Variants in PSMA3 observed in about 807,000 individuals in gnomAD.
PSMA3 encodes the protein proteasome subunit alpha type-3.
A neutral mutation model predicts 40.0 loss-of-function variants in PSMA3; 8 were observed. The ratio of observed to expected loss-of-function variants is 0.20; its 90% CI spans 0.12 to 0.36. The LOEUF (loss-of-function observed/expected upper bound fraction) is 0.36. Ranked by LOEUF, PSMA3 falls within the 10% of genes least tolerant of loss-of-function variation. The pLI is 1.00. For missense variants in PSMA3, 219 were observed against 310.6 expected (o/e 0.70, Z 2.22); for synonymous variants, 110 against 100.0 (o/e 1.10, Z -0.59).
At position 58,257,501 on chromosome 14, in the gene PSMA3, A is replaced by G. The variant is rs968699872; in HGVS notation, c.229-244A>G. 4.6e-5 allele frequency among the ~76,000 whole-genome samples: 7 copies of G among 152,164 alleles called. No homozygotes were observed. In the South Asian group the frequency reaches 1.4e-3, roughly 32 times the overall value. Reference sequence around the variant, plus strand: ...TGACAGAGCGAGACCCCGTATCAAAAAAAAAAAAGGAAATGTCCTGAATAT... The same window carrying G: ...TGACAGAGCGAGACCCCGTATCAAAGAAAAAAAAGGAAATGTCCTGAATAT... On this transcript the variant is annotated intron_variant, in intron 3 of 10. Coordinates refer to ENST00000216455, the MANE Select transcript of PSMA3 (RefSeq NM_002788.4).
At chr14:58,257,625 A>G (rs1890174810) in intron 3 of PSMA3, 120 bp from the exon 4 acceptor site, 1 of 858,576 alleles carries the variant, frequency 1.2e-6, no homozygotes, top group Admixed American at 2.7e-5. Context: ...CTTTAAGCCA[A>G]AAAAGTTTAT....
intron 6 of PSMA3, among the ~76,000 whole-genome samples, chr14:58,262,404 C>T (rs1814800519): frequency 6.6e-6 from 1 of 152,082 alleles, no homozygotes; most frequent in Non-Finnish European, 1.5e-5. Context: ...CGAGGTTTCA[C>T]CATGTTAGCC....
chr14:58,267,293 C>T (rs1890471126), intron 7 of PSMA3, 181 bp from the exon 8 acceptor site: 3 of 1,097,076 alleles, frequency 2.7e-6, no homozygotes, highest in Non-Finnish European at 3.4e-6. Context: ...CAAGCCACTG[C>T]ACCCAGCCTG....
chr14:58,271,126 T>C (rs1425353111), intron 10 of PSMA3, 128 bp downstream of exon 10: 2 of 502,364 alleles, frequency 4.0e-6, no homozygotes, highest in African/African-American at 2.0e-5. Context: ...AAAAATTCTC[T>C]AACCAAAATT....
chr14:58,255,626 G>A (rs1427034671), intron 3 of PSMA3, among the ~76,000 whole-genome samples: 1 of 152,126 alleles, frequency 6.6e-6, no homozygotes, highest in African/African-American at 2.4e-5. Flanking sequence ...AAAATTAGCC[G>A]GGCGTGGTGG....
intron 10 of PSMA3, among the ~76,000 whole-genome samples, chr14:58,271,569 C>A (rs1594836314): frequency 1.3e-5 from 2 of 152,024 alleles, no homozygotes; most frequent in Admixed American, 1.3e-4. Flanking sequence ...CTTGAACTCA[C>A]GTGATCTGCC....
At chr14:58,254,924 G>T (rs138839128) in intron 3 of PSMA3, among the ~76,000 whole-genome samples, 78 of 152,256 alleles carry the variant, frequency 5.1e-4, no homozygotes, top group South Asian at 1.0e-3. Flanking sequence ...TGTAATGAGT[G>T]CTCAGTATCT....
chr14:58,251,305 A>G (rs1358589147), intron 2 of PSMA3, among the ~76,000 whole-genome samples: 1 of 152,212 alleles, frequency 6.6e-6, no homozygotes, highest in Non-Finnish European at 1.5e-5. Context: ...TGTGTGTTTG[A>G]GACAGGGTCT....
intron 3 of PSMA3, 95 bp downstream of exon 3, chr14:58,252,337 A>T: frequency 1.4e-6 from 2 of 1,433,418 alleles, no homozygotes; most frequent in African/African-American, 1.4e-5. Flanking sequence ...AAAAGTAATC[A>T]GAGCAAGTTA....
At chr14:58,253,258 G>A (rs572727316) in intron 3 of PSMA3, among the ~76,000 whole-genome samples, 20 of 152,232 alleles carry the variant, frequency 1.3e-4, no homozygotes, top group Admixed American at 8.5e-4. Context: ...CAAAGTGCTG[G>A]GATTATAGGC....
chr14:58,249,843 G>C (rs1872296865), intron 2 of PSMA3, among the ~76,000 whole-genome samples: 1 of 152,188 alleles, frequency 6.6e-6, no homozygotes, highest in South Asian at 2.1e-4. Flanking sequence ...TTTTGACCTC[G>C]AAGACTGCCT....
intron 5 of PSMA3, among the ~76,000 whole-genome samples, chr14:58,259,783 T>C (rs1890229265): frequency 6.6e-6 from 1 of 152,038 alleles, no homozygotes; most frequent in South Asian, 2.1e-4. Context: ...TAGGGAGACT[T>C]GGTAGTTGCA....
intron 2 of PSMA3, among the ~76,000 whole-genome samples, chr14:58,250,869 C>G (rs1309400384): frequency 6.6e-6 from 1 of 151,814 alleles, no homozygotes; most frequent in Non-Finnish European, 1.5e-5. Flanking sequence ...ATAAGGATCC[C>G]AATGCTGGTA....
intron 5 of PSMA3, chr14:58,258,340 G>C (rs1890196064): frequency 5.6e-6 from 1 of 178,090 alleles, no homozygotes; most frequent in African/African-American, 2.4e-5. Flanking sequence ...CTTAGGAGCT[G>C]CTTGAGAGGA....
rs544540648 is a variant in PSMA3 at position 58,254,333 on chromosome 14, C to CATATATATATATATATATATATATATAT, written c.228+2101_228+2102insATATATATATATATATATATATATATAT. On this transcript the variant is annotated intron_variant, in intron 3 of 10. Transcript: ENST00000216455. ...AATATTTTGAAAAAAATTATGCATG[C>CATATATATATATATATATATATATATAT]ATATATATATGTATGTACACACACA... Among the ~76,000 whole-genome samples, 138 of 23,764 alleles carry CATATATATATATATATATATATATATAT rather than the reference C, an allele frequency of 5.8e-3. 32 individuals carry two copies. The highest frequency in any genetic ancestry group is 8.4e-3 in the Non-Finnish European group (101 of 12,090). 15.6% of individuals were successfully genotyped at this position (23,764 alleles called of 152,430 possible).
chr14:58,257,687 C>T, intron 3 of PSMA3, 58 bp from the exon 4 acceptor site: 1 of 1,419,414 alleles, frequency 7.0e-7, no homozygotes, highest in South Asian at 1.2e-5. Flanking sequence ...TTATTAATTG[C>T]AGACTTTGAT....
At chr14:58,254,350 A>ATGTATG in intron 3 of PSMA3, among the ~76,000 whole-genome samples, 1 of 130,930 alleles carries the variant, frequency 7.6e-6, no homozygotes, top group South Asian at 2.4e-4. Flanking sequence ...ATATGTATGT[A>ATGTATG]CACACACACA....
rs770944418 is a variant in PSMA3 at position 58,270,449 on chromosome 14, A to G, written c.622A>G (p.Lys208Glu). Residue 208 changes from lysine to glutamate, a missense_variant, in exon 9 of 11, where the codon AAA becomes GAA. By Grantham distance (56) the Lys-to-Glu change is moderately conservative. Coordinates refer to ENST00000216455, the MANE Select transcript of PSMA3 (RefSeq NM_002788.4). ...CATAGTACATGACGAAGTTAAGGAT[A>G]AAGCTTTTGAACTAGAACTCAGCTG... ...IYIVHDEVKD[K>E]AFELELSWVG... is the part of the protein sequence containing the mutation. 1.2e-6 allele frequency: 2 copies of G among 1,613,590 alleles called. No homozygotes were observed. Among genetic ancestry groups the G allele is most frequent in the African/African-American group, 1.3e-5 (1 of 74,910 alleles).
chr14:58,249,498 C>CT (rs970746710), intron 2 of PSMA3, among the ~76,000 whole-genome samples: 16 of 151,732 alleles, frequency 1.1e-4, no homozygotes, highest in South Asian at 6.3e-4. Flanking sequence ...CTTATTATTC[C>CT]TTTTTTTTAA....
Sources: gnomAD v4.1 joint callset for allele counts (sites outside exome capture counted in the v4.1 genomes callset) on GRCh38, gnomAD v4.1.1 for gene constraint, MANE v1.5 for transcripts, NCBI Gene and HGNC (gene_info 2026-07-23, HGNC 2026-07-21) for gene names.